The following ZNF879 variants were observed in gnomAD, a reference collection of about 807,000 sequenced individuals.
ZNF879 encodes zinc finger protein 879.
A neutral mutation model predicts 44.3 loss-of-function variants in ZNF879; 32 were observed. The observed-to-expected ratio is 0.72, with a 90% CI of 0.54 to 0.97. ZNF879 has a LOEUF of 0.97. Among genes scored for constraint, ZNF879 ranks in the 50% least tolerant of loss-of-function variants. The probability of loss-of-function intolerance (pLI) is 0.00; values close to 1 mark genes in which losing one functional copy is unlikely to be tolerated. For synonymous variants in ZNF879, 234 were observed against 233.2 expected, an observed-to-expected ratio of 1.00 and a Z score of -0.03; for missense variants, 621 against 669.7, an observed-to-expected ratio of 0.93 and a Z score of 0.80.
chr5:179,032,446 A>G lies in ZNF879; in HGVS notation c.498A>G (p.Leu166=). 1.9e-6 allele frequency: 3 copies of G among 1,551,706 alleles called. No individual in the cohort carries two copies. The highest frequency in any genetic ancestry group is 8.7e-7 in the Non-Finnish European group (1 of 1,146,986). Residue 166 remains leucine, a synonymous_variant, in exon 5 of 5, where the codon CTA becomes CTG. Transcript: ENST00000444149. ...KGVEFGKNLG[L]KSSLIRKPRI... ...TTGAATTTGGGAAAAATCTTGGTCT[A>G]AAATCATCGCTTATTAGAAAACCGA...
intron 4 of ZNF879, among the ~76,000 whole-genome samples, chr5:179,029,101 T>C (rs1244373198): frequency 2.9e-5 from 2 of 68,858 alleles, no homozygotes; most frequent in African/African-American, 1.8e-4. Context: ...CTGGCATCTG[T>C]TTTTTTTTTT....
chr5:179,032,645 A>G lies in ZNF879; in HGVS notation c.697A>G (p.Lys233Glu). The G allele has an allele frequency of 6.4e-7, 1 of 1,569,494 alleles. No individual in the cohort carries two copies. The highest frequency in any genetic ancestry group is 8.6e-7 in the Non-Finnish European group (1 of 1,157,298). Residue 233 changes from lysine to glutamate, a missense_variant, in exon 5 of 5, where the codon AAA (lysine) becomes GAA (glutamate). Physicochemically the swap from Lys to Glu is moderately conservative, Grantham distance 56. Transcript: ENST00000444149. ...QRIHTGEKLY[K>E]CKECRKAFSQ... ...AATCCACACTGGAGAGAAGCTCTAT[A>G]AATGTAAGGAATGTAGGAAAGCCTT...
At position 179,033,412 on chromosome 5, in the gene ZNF879, CTG is replaced by C. The variant is rs1761493456; in HGVS notation, c.1467_1468del (p.Cys489Ter). 2 of 1,559,002 alleles carry C rather than the reference CTG, an allele frequency of 1.3e-6. No individual in the cohort carries two copies. Among genetic ancestry groups the C allele is most frequent in the East Asian group, 2.4e-5 (1 of 41,328 alleles). On this transcript the variant is annotated frameshift_variant, in exon 5 of 5. Transcript: ENST00000444149. LOFTEE classifies it high-confidence loss of function. The part of the protein sequence containing the change: ...TGEKPYKCND[C>X]EKAFNQSSAL... ...GAGAAAAACCTTATAAATGTAATGA[CTG>C]TGAGAAAGCCTTCAACCAAAGCTCA...
In ZNF879 at chr5:179,028,009, G is replaced by A. The variant is rs769931913; in HGVS notation, c.161-23G>A. The A allele has an allele frequency of 2.3e-4, 359 of 1,549,882 alleles. 1 individual carries two copies. The Middle Eastern group carries it at 6.2e-3, about 27-fold the overall frequency. ...CCCGCCTGCTACGATGGCCGCTCACGTTTCTTTCTTGTTCATGAACAGGGA... is the reference window on the plus strand; with the variant it reads ...CCCGCCTGCTACGATGGCCGCTCACATTTCTTTCTTGTTCATGAACAGGGA... On this transcript the variant is annotated intron_variant, in intron 3 of 4. Coordinates refer to ENST00000444149, the MANE Select transcript of ZNF879 (RefSeq NM_001136116.3).
At chr5:179,028,447 T>C (rs1761330500) in intron 4 of ZNF879, among the ~76,000 whole-genome samples, 1 of 152,238 alleles carries the variant, frequency 6.6e-6, no homozygotes, top group East Asian at 1.9e-4. Flanking sequence ...TTATTTTCCT[T>C]AGTGGCTTGA....
At position 179,027,995 on chromosome 5, in the gene ZNF879, C is replaced by T. The variant is rs113155152; in HGVS notation, c.161-37C>T. 9.6e-5 allele frequency: 148 copies of T among 1,537,850 alleles called. 1 individual carries two copies. The African/African-American group carries it at 1.4e-3, about 14-fold the overall frequency. On this transcript the variant is annotated intron_variant, in intron 3 of 4. Coordinates refer to ENST00000444149, the MANE Select transcript of ZNF879 (RefSeq NM_001136116.3). ...ACTCTGGGGCTGGACCCGCCTGCTA[C>T]GATGGCCGCTCACGTTTCTTTCTTG...
chr5:179,033,261 C>T lies in ZNF879; in HGVS notation c.1313C>T (p.Ser438Phe). ...YKCNECGKAF[S>F]WISRLNIHHR... ...TGTAATGAATGTGGGAAAGCCTTCT[C>T]TTGGATTTCACGGCTTAATATACAT... is the stretch of plus-strand genomic sequence containing the variant. Residue 438 changes from serine to phenylalanine, a missense_variant, in exon 5 of 5, where the codon TCT becomes TTT. Physicochemically the swap from Ser to Phe is radical, Grantham distance 155 (BLOSUM62 -2). Transcript: ENST00000444149. 6.3e-7 allele frequency: 1 copy of T among 1,586,140 alleles called. No homozygotes were observed.
intron 1 of ZNF879, 59 bp from the exon 2 acceptor site, chr5:179,024,911 A>C: frequency 2.2e-6 from 3 of 1,353,344 alleles, no homozygotes; most frequent in Non-Finnish European, 3.1e-6. Context: ...GGTCTGGCCT[A>C]ATGAGGGTGG....
chr5:179,025,526 G>A (rs1761240722), intron 2 of ZNF879, among the ~76,000 whole-genome samples: 2 of 152,332 alleles, frequency 1.3e-5, no homozygotes, highest in South Asian at 2.1e-4. Context: ...ATTTAATGGG[G>A]CTCCAATGCC....
At position 179,033,481 on chromosome 5, in the gene ZNF879, A is replaced by G; in HGVS notation, c.1533A>G (p.Pro511=). 6.4e-7 allele frequency: 1 copy of G among 1,564,092 alleles called. No individual in the cohort carries two copies. Among genetic ancestry groups the G allele is most frequent in the Non-Finnish European group, 8.7e-7 (1 of 1,154,374 alleles). ...AGAGAATTCATACTGGAGAGAAACCATATAATTGTAAAGTGTGTGGGAAAG... is the reference window on the plus strand; with the variant it reads ...AGAGAATTCATACTGGAGAGAAACCGTATAATTGTAAAGTGTGTGGGAAAG... The part of the protein sequence containing the change: ...QHQRIHTGEK[P]YNCKVCGKAF... Residue 511 remains proline, a synonymous_variant, in exon 5 of 5, where the codon CCA becomes CCG. Coordinates refer to ENST00000444149, the MANE Select transcript of ZNF879 (RefSeq NM_001136116.3).
rs1276931726 is a variant in ZNF879 at position 179,032,353 on chromosome 5, C to A, written c.405C>A (p.Asn135Lys). 2 of 1,551,148 alleles carry A rather than the reference C, an allele frequency of 1.3e-6. No homozygotes were observed. Among genetic ancestry groups the A allele is most frequent in the African/African-American group, 2.7e-5 (2 of 73,010 alleles). The part of the protein sequence containing the change: ...DKLEKQQGKK[N>K]RLFSKVLVTI... ...TAGAGAAGCAACAAGGCAAAAAGAA[C>A]AGACTTTTCAGTAAAGTGTTAGTTA... The change falls in exon 5 of 5, where the codon AAC becomes AAA. Residue 135 changes from asparagine (N) to lysine (K), a missense_variant. Asn to Lys is a moderately conservative substitution (Grantham distance 94, BLOSUM62 0). Transcript: ENST00000444149.
Position 179,032,993 on chromosome 5 carries a change from T to G in ZNF879, c.1045T>G (p.Cys349Gly). 1 of 1,556,656 alleles carries G rather than the reference T, an allele frequency of 6.4e-7. No individual in the cohort carries two copies. Among genetic ancestry groups the G allele is most frequent in the Non-Finnish European group, 8.7e-7 (1 of 1,150,048 alleles). The change falls in exon 5 of 5, where the codon TGT becomes GGT. Residue 349 changes from cysteine (C) to glycine (G), a missense_variant. Coordinates refer to ENST00000444149, the MANE Select transcript of ZNF879 (RefSeq NM_001136116.3). ...TGEKPYECTQCGKAFTSISRL... is the reference protein window; with the variant it reads ...TGEKPYECTQGGKAFTSISRL... Reference sequence around the variant, plus strand: ...GGAGAAACCGTATGAATGTACTCAGTGTGGGAAAGCCTTCACTTCAATATC... The same window carrying G: ...GGAGAAACCGTATGAATGTACTCAGGGTGGGAAAGCCTTCACTTCAATATC...
chr5:179,025,051 T>G lies in ZNF879; in HGVS notation c.33+14T>G. ...GCCCATGTACAGGTGAGTGAAGGCT[T>G]CTTTTTGCTTGAACTGCCTTCAGGG... On this transcript the variant is annotated intron_variant, in intron 2 of 4. Transcript: ENST00000444149. 1.3e-6 allele frequency: 2 copies of G among 1,551,406 alleles called. No homozygotes were observed. Among genetic ancestry groups the G allele is most frequent in the Non-Finnish European group, 1.7e-6 (2 of 1,146,820 alleles).
chr5:179,032,403 AGAGGAG>A lies in ZNF879; in HGVS notation c.456_461del (p.Glu152_Ser154delinsAsp), dbSNP rs1374289900. The A allele has an allele frequency of 1.3e-6, 2 of 1,551,360 alleles. No homozygotes were observed. The highest frequency in any genetic ancestry group is 8.7e-7 in the Non-Finnish European group (1 of 1,146,888). On this transcript the variant is annotated inframe_deletion, in exon 5 of 5. Coordinates refer to ENST00000444149, the MANE Select transcript of ZNF879 (RefSeq NM_001136116.3). ...ACCATCAAAAAAGTCTACATGAAGGAGAGGAGCTTTAAAGGTGTTGAATTTGGGAAA... is the reference window on the plus strand; with the variant it reads ...ACCATCAAAAAAGTCTACATGAAGGACTTTAAAGGTGTTGAATTTGGGAAA...
intron 2 of ZNF879, 38 bp downstream of exon 2, chr5:179,025,075 G>T (rs368171755): frequency 1.3e-6 from 2 of 1,550,448 alleles, no homozygotes; most frequent in Non-Finnish European, 1.7e-6. Flanking sequence ...CTGCCTTCAG[G>T]GTCTAGACGT....
At chr5:179,024,725 G>A in intron 1 of ZNF879, 1 of 482,488 alleles carries the variant, frequency 2.1e-6, no homozygotes, top group East Asian at 3.3e-5. Context: ...ACGGCAGATG[G>A]TCTTCATCCC....
intron 3 of ZNF879, 68 bp from the exon 4 acceptor site, chr5:179,027,964 C>A: frequency 7.3e-7 from 1 of 1,375,936 alleles, no homozygotes; most frequent in Non-Finnish European, 1.0e-6. Context: ...CCCCTCTGCC[C>A]TGGGCACTCT....
chr5:179,032,821 G>T lies in ZNF879; in HGVS notation c.873G>T (p.Lys291Asn), dbSNP rs1215681570. 6.4e-7 allele frequency: 1 copy of T among 1,555,104 alleles called. No homozygotes were observed. The highest frequency in any genetic ancestry group is 1.4e-5 in the African/African-American group (1 of 73,156). Residue 291 changes from lysine to asparagine, a missense_variant, in exon 5 of 5, where the codon AAG becomes AAT. By Grantham distance (94) the Lys-to-Asn change is moderately conservative. Coordinates refer to ENST00000444149, the MANE Select transcript of ZNF879 (RefSeq NM_001136116.3). ...MHTGERPYKC[K>N]ECGKTFKGSS... ...CTGGAGAGAGACCTTATAAATGCAA[G>T]GAATGTGGAAAAACATTTAAAGGTA...
intron 3 of ZNF879, 69 bp from the exon 4 acceptor site, chr5:179,027,963 C>T: frequency 7.3e-7 from 1 of 1,365,102 alleles, no homozygotes; most frequent in Non-Finnish European, 1.0e-6. Context: ...GCCCCTCTGC[C>T]CTGGGCACTC....
Sources: gnomAD v4.1 joint callset for allele counts (sites outside exome capture counted in the v4.1 genomes callset) on GRCh38, gnomAD v4.1.1 for gene constraint, MANE v1.5 for transcripts, NCBI Gene and HGNC (gene_info 2026-07-23, HGNC 2026-07-21) for gene names.